The following CSMD1 variants were observed in gnomAD, a reference collection of about 807,000 sequenced individuals.
The protein encoded by CSMD1 is CUB and sushi domain-containing protein 1.
A neutral mutation model predicts 417.5 loss-of-function variants in CSMD1; 213 were observed. That is an observed-to-expected ratio of 0.51 (90% CI 0.46 to 0.57). The LOEUF (loss-of-function observed/expected upper bound fraction) is 0.57. CSMD1 is among the 20% of genes least tolerant of loss of function. The pLI, the probability that CSMD1 is intolerant of heterozygous loss-of-function variation, is 0.00. For missense variants in CSMD1, 6,923 were observed against 4,529.7 expected (o/e 1.53, Z -15.17); for synonymous variants, 2,862 against 1,736.8 (o/e 1.65, Z -16.11).
intron 3 of CSMD1, among the ~76,000 whole-genome samples, chr8:4,045,659 G>T (rs939295216): frequency 1.3e-5 from 2 of 152,196 alleles, no homozygotes; most frequent in African/African-American, 4.8e-5. Flanking sequence ...ATGGATTGTA[G>T]TAGAAATAAT....
intron 3 of CSMD1, among the ~76,000 whole-genome samples, chr8:4,088,792 A>T (rs1427345785): frequency 6.6e-6 from 1 of 152,034 alleles, no homozygotes; most frequent in Non-Finnish European, 1.5e-5. Context: ...CTCCCAGACC[A>T]AACACATTGA....
At chr8:3,607,595 C>A (rs921475264) in intron 8 of CSMD1, among the ~76,000 whole-genome samples, 3 of 152,150 alleles carry the variant, frequency 2.0e-5, no homozygotes, top group African/African-American at 7.2e-5. Context: ...GATCACCAGG[C>A]AATGGAAATC....
intron 51 of CSMD1, 74 bp from the exon 52 acceptor site, chr8:3,018,724 AAAAC>A (rs1809088507): frequency 1.9e-5 from 26 of 1,396,984 alleles, no homozygotes; most frequent in Non-Finnish European, 2.5e-5. Flanking sequence ...CAAACAAACA[AAAAC>A]AAACAAAAAA....
At chr8:4,376,564 T>A (rs958165280) in intron 3 of CSMD1, among the ~76,000 whole-genome samples, 2 of 152,196 alleles carry the variant, frequency 1.3e-5, no homozygotes, top group African/African-American at 4.8e-5. Context: ...TATATTTGCC[T>A]GTTTGTTGTT....
intron 1 of CSMD1, among the ~76,000 whole-genome samples, chr8:4,781,844 T>C (rs920551400): frequency 6.6e-6 from 1 of 152,210 alleles, no homozygotes; most frequent in African/African-American, 2.4e-5. Context: ...CGGTTCCATA[T>C]TTTAGTTTAC....
At chr8:3,910,316 T>C (rs983129451) in intron 5 of CSMD1, among the ~76,000 whole-genome samples, 1 of 152,160 alleles carries the variant, frequency 6.6e-6, no homozygotes, top group Non-Finnish European at 1.5e-5. Context: ...ATTCAGAGCA[T>C]GCCTGTGTCC....
At chr8:4,723,973 G>T (rs1563223273) in intron 1 of CSMD1, among the ~76,000 whole-genome samples, 1 of 151,908 alleles carries the variant, frequency 6.6e-6, no homozygotes, top group Non-Finnish European at 1.5e-5. Context: ...ATCTCGGGCA[G>T]AAAGAACGTG....
At chr8:4,512,007 T>G (rs4392922) in intron 2 of CSMD1, among the ~76,000 whole-genome samples, 2 of 151,838 alleles carry the variant, frequency 1.3e-5, no homozygotes, top group African/African-American at 2.4e-5. Context: ...CTGCAGACCA[T>G]CGTTTCTCAT....
rs1815176881 is a variant in CSMD1 at position 3,094,721 on chromosome 8, CTT to C, written c.7138+2126_7138+2127del. 2.0e-5 allele frequency among the ~76,000 whole-genome samples: 3 copies of C among 146,780 alleles called. No homozygotes were observed. In the South Asian group the frequency reaches 6.4e-4, roughly 31 times the overall value. On this transcript the variant is annotated intron_variant, in intron 47 of 69. Coordinates refer to ENST00000635120, the MANE Select transcript of CSMD1 (RefSeq NM_033225.6). The stretch of plus-strand genomic sequence containing the variant: ...CTTAAGCCATAGAGAGTAATATACT[CTT>C]GAGATAATAAAGTATAAAATCAATA...
intron 5 of CSMD1, among the ~76,000 whole-genome samples, chr8:3,987,341 A>G (rs565786091): frequency 2.0e-5 from 3 of 152,346 alleles, no homozygotes; most frequent in East Asian, 3.9e-4. Flanking sequence ...TACCGACAGC[A>G]TCTTTGCAAC....
intron 3 of CSMD1, among the ~76,000 whole-genome samples, chr8:4,048,911 A>C (rs1310760638): frequency 6.6e-6 from 1 of 152,118 alleles, no homozygotes; most frequent in African/African-American, 2.4e-5. Flanking sequence ...TCTATTTGCT[A>C]ATTTTTCCAA....
chr8:3,676,356 G>T (rs577653776), intron 7 of CSMD1, among the ~76,000 whole-genome samples: 5 of 152,136 alleles, frequency 3.3e-5, no homozygotes, highest in Admixed American at 3.3e-4. Flanking sequence ...CCGCCCGCCA[G>T]GCAGGATTGT....
intron 2 of CSMD1, among the ~76,000 whole-genome samples, chr8:4,572,756 A>G (rs569988863): frequency 5.9e-5 from 9 of 152,314 alleles, no homozygotes; most frequent in South Asian, 2.1e-4. Context: ...AGGTCCATCA[A>G]TCAATCATAG....
chr8:3,447,790 G>A (rs77630988), intron 12 of CSMD1, among the ~76,000 whole-genome samples: 1 of 152,112 alleles, frequency 6.6e-6, no homozygotes, highest in African/African-American at 2.4e-5. Context: ...GTGGATGGAG[G>A]GTGCAGAATT....
intron 5 of CSMD1, among the ~76,000 whole-genome samples, chr8:3,773,726 G>T (rs2720766): frequency 0.13 from 20,099 of 152,152 alleles, 1,400 homozygotes; most frequent in East Asian, 0.29. Flanking sequence ...TTGATGATGA[G>T]GAGGGCAAGC....
At chr8:4,132,485 T>C (rs907493530) in intron 3 of CSMD1, among the ~76,000 whole-genome samples, 1 of 152,160 alleles carries the variant, frequency 6.6e-6, no homozygotes, top group African/African-American at 2.4e-5. Flanking sequence ...GGAACATGGG[T>C]AGTATAATAC....
chr8:3,782,998 A>G (rs1799261631), intron 5 of CSMD1, among the ~76,000 whole-genome samples: 1 of 152,214 alleles, frequency 6.6e-6, no homozygotes, highest in Non-Finnish European at 1.5e-5. Flanking sequence ...AAAATTAAGC[A>G]CAACGTCCTA....
chr8:4,305,685 A>T (rs1029818810), intron 3 of CSMD1, among the ~76,000 whole-genome samples: 1 of 152,224 alleles, frequency 6.6e-6, no homozygotes, highest in Admixed American at 6.5e-5. Context: ...GTGCTTGCTC[A>T]AAATGTGTCC....
chr8:3,821,171 G>A (rs1012533704), intron 5 of CSMD1, among the ~76,000 whole-genome samples: 6 of 152,090 alleles, frequency 3.9e-5, no homozygotes, highest in African/African-American at 1.2e-4. Context: ...ACCCGCCTCG[G>A]CCTCCCAAAC....
Sources: allele counts gnomAD v4.1 joint callset (sites outside exome capture counted in the v4.1 genomes callset), GRCh38; gene constraint gnomAD v4.1.1; transcripts MANE v1.5; gene names NCBI Gene and HGNC (gene_info 2026-07-23, HGNC 2026-07-21).